The following KCNQ3 variants were observed in gnomAD, a reference collection of about 807,000 sequenced individuals.
The protein encoded by KCNQ3 is potassium voltage-gated channel subfamily KQT member 3.
A neutral mutation model predicts 92.5 loss-of-function variants in KCNQ3; 30 were observed. That is an observed-to-expected ratio of 0.32 (90% CI 0.24 to 0.44). The LOEUF (loss-of-function observed/expected upper bound fraction) is 0.44, where lower values mean the gene tolerates loss of function less well. Among genes scored for constraint, KCNQ3 ranks in the 20% least tolerant of loss-of-function variants. The pLI is 1.00. For missense variants in KCNQ3, 913 were observed against 1,140.3 expected (o/e 0.80, Z 2.87); for synonymous variants, 450 against 468.8 (o/e 0.96, Z 0.52).
chr8:132,478,739 G>A (rs976007217), intron 1 of KCNQ3, among the ~76,000 whole-genome samples: 3 of 151,900 alleles, frequency 2.0e-5, no homozygotes, highest in East Asian at 1.9e-4. Flanking sequence ...CTTAGTTTCC[G>A]GGAAGGCACC....
At chr8:132,299,944 C>A (rs763222545) in intron 1 of KCNQ3, among the ~76,000 whole-genome samples, 1 of 152,234 alleles carries the variant, frequency 6.6e-6, no homozygotes, top group Non-Finnish European at 1.5e-5. Context: ...CTCTTCTCTG[C>A]TCTCTTAGAA....
At chr8:132,438,044 G>A (rs901245096) in intron 1 of KCNQ3, among the ~76,000 whole-genome samples, 6 of 152,158 alleles carry the variant, frequency 3.9e-5, no homozygotes. Context: ...CAAAGAACCT[G>A]TTGTAACCTG....
intron 1 of KCNQ3, among the ~76,000 whole-genome samples, chr8:132,327,998 T>C (rs1818110326): frequency 6.6e-6 from 1 of 152,082 alleles, no homozygotes; most frequent in African/African-American, 2.4e-5. Flanking sequence ...ACAACCACTA[T>C]GTCCCCTCTA....
chr8:132,176,258 T>C (rs1310306956), intron 4 of KCNQ3, among the ~76,000 whole-genome samples: 2 of 152,212 alleles, frequency 1.3e-5, no homozygotes, highest in African/African-American at 4.8e-5. Context: ...CTAGGACATA[T>C]GACTAAGTAA....
intron 1 of KCNQ3, among the ~76,000 whole-genome samples, chr8:132,470,601 A>T (rs928193795): frequency 6.6e-6 from 1 of 152,244 alleles, no homozygotes; most frequent in East Asian, 1.9e-4. Flanking sequence ...CATAACCACA[A>T]TGAAATGATC....
chr8:132,268,649 G>C (rs1816062721), intron 1 of KCNQ3, among the ~76,000 whole-genome samples: 4 of 152,220 alleles, frequency 2.6e-5, no homozygotes, highest in Admixed American at 2.6e-4. Flanking sequence ...CATCTTGGTT[G>C]CTTCCAATTT....
chr8:132,459,736 G>GTTT (rs113862022), intron 1 of KCNQ3, among the ~76,000 whole-genome samples: 1 of 133,590 alleles, frequency 7.5e-6, no homozygotes, highest in Non-Finnish European at 1.6e-5. Context: ...TCTTTTTCTT[G>GTTT]TTTTTTTTTT....
Position 132,480,755 on chromosome 8 carries a change from G to T in KCNQ3, c.-223C>A. 1 of 248,064 alleles carries T rather than the reference G, an allele frequency of 4.0e-6. No homozygotes were observed. Among genetic ancestry groups the T allele is most frequent in the Non-Finnish European group, 6.5e-6 (1 of 154,442 alleles). The allele number at this position is 248,064 out of a possible 1,614,324, so 15.4% of individuals were successfully genotyped here. ...GGTCAGGGGGTCACATCCCGCGCGG[G>T]TCAGCCGCAGGACCCCGAGGGTCGC... On this transcript the variant is annotated 5_prime_UTR_variant, in exon 1 of 15. Transcript: ENST00000388996.
At chr8:132,172,526 TACAC>T (rs146253351) in intron 7 of KCNQ3, 68 bp downstream of exon 7, 5 of 1,285,022 alleles carry the variant, frequency 3.9e-6, no homozygotes, top group East Asian at 4.7e-5. Context: ...CATGCACACA[TACAC>T]ACACACACAC....
intron 3 of KCNQ3, 110 bp downstream of exon 3, chr8:132,184,131 T>C: frequency 7.1e-7 from 1 of 1,402,566 alleles, no homozygotes; most frequent in East Asian, 2.3e-5. Context: ...TGAGCTGGCC[T>C]CCACAGTGCC....
intron 1 of KCNQ3, among the ~76,000 whole-genome samples, chr8:132,304,063 T>C (rs1368888919): frequency 6.6e-6 from 1 of 152,058 alleles, no homozygotes; most frequent in Admixed American, 6.6e-5. Flanking sequence ...GAAAGTCAAA[T>C]ACTGCATATT....
chr8:132,373,041 G>C (rs182318510), intron 1 of KCNQ3, among the ~76,000 whole-genome samples: 2 of 152,270 alleles, frequency 1.3e-5, no homozygotes, highest in Admixed American at 1.3e-4. Context: ...CTCAGTCCCT[G>C]GTTGGGATTC....
intron 1 of KCNQ3, among the ~76,000 whole-genome samples, chr8:132,314,853 T>C (rs888726038): frequency 1.3e-5 from 2 of 152,160 alleles, no homozygotes; most frequent in African/African-American, 4.8e-5. Flanking sequence ...TTATATCAGA[T>C]GAACTAGCAA....
intron 1 of KCNQ3, among the ~76,000 whole-genome samples, chr8:132,288,144 CT>C (rs1377874642): frequency 6.6e-6 from 1 of 152,096 alleles, no homozygotes; most frequent in Non-Finnish European, 1.5e-5. Flanking sequence ...TGTGTTACTC[CT>C]TTAGGATAGA....
In KCNQ3 at chr8:132,296,574, G is replaced by A. The variant is rs570133144; in HGVS notation, c.387-110393C>T. Among the ~76,000 whole-genome samples the A allele has an allele frequency of 2.7e-5, 4 of 150,446 alleles. No homozygotes were observed. The South Asian group carries it at 8.5e-4, about 32-fold the overall frequency. On this transcript the variant is annotated intron_variant, in intron 1 of 14. Coordinates refer to ENST00000388996, the MANE Select transcript of KCNQ3 (RefSeq NM_004519.4). ...CCCACAACAGTCCCCAGAGTGTGAT[G>A]TTCCCCTTCCTGTGTCCATGTGTTC...
At chr8:132,445,109 C>T (rs1821640602) in intron 1 of KCNQ3, among the ~76,000 whole-genome samples, 1 of 152,148 alleles carries the variant, frequency 6.6e-6, no homozygotes, top group South Asian at 2.1e-4. Flanking sequence ...ACACAAAAAC[C>T]TAAGGCTCAG....
At chr8:132,405,667 T>C (rs1760862891) in intron 1 of KCNQ3, among the ~76,000 whole-genome samples, 1 of 152,158 alleles carries the variant, frequency 6.6e-6, no homozygotes, top group Non-Finnish European at 1.5e-5. Context: ...GTCGACCAAC[T>C]CTACGTTCAA....
intron 1 of KCNQ3, among the ~76,000 whole-genome samples, chr8:132,270,898 C>T (rs1260302501): frequency 6.6e-6 from 1 of 152,166 alleles, no homozygotes; most frequent in Non-Finnish European, 1.5e-5. Context: ...TTTACTTTAA[C>T]AAGTTCCACA....
intron 1 of KCNQ3, among the ~76,000 whole-genome samples, chr8:132,442,964 C>T (rs1821576517): frequency 6.6e-6 from 1 of 152,206 alleles, no homozygotes. Context: ...CACCCTATCT[C>T]AGCCCCAGAG....
Sources: allele counts gnomAD v4.1 joint callset (sites outside exome capture counted in the v4.1 genomes callset), GRCh38; gene constraint gnomAD v4.1.1; transcripts MANE v1.5; gene names NCBI Gene and HGNC (gene_info 2026-07-23, HGNC 2026-07-21).